NRDE2: variants seen among roughly 807,000 people sequenced by gnomAD.
NRDE2 encodes the protein NRDE-2, necessary for RNA interference, domain containing.
A neutral mutation model predicts 124.2 loss-of-function variants in NRDE2; 76 were observed. The observed-to-expected ratio is 0.61, with a 90% confidence interval of 0.51 to 0.74. The LOEUF (loss-of-function observed/expected upper bound fraction) is 0.74. Ranked by LOEUF, NRDE2 falls within the 30% of genes least tolerant of loss-of-function variation. The pLI is 0.00. For synonymous variants in NRDE2, 489 were observed against 528.1 expected (o/e 0.93, Z 1.01); for missense variants, 1,314 against 1,417.3 (o/e 0.93, Z 1.17).
chr14:90,289,377 A>T (rs1434412106), intron 10 of NRDE2, among the ~76,000 whole-genome samples: 1 of 152,218 alleles, frequency 6.6e-6, no homozygotes, highest in Non-Finnish European at 1.5e-5. Flanking sequence ...CTATAAACAA[A>T]GCTGATACCT....
chr14:90,306,576 T>C (rs1361249178), intron 4 of NRDE2, among the ~76,000 whole-genome samples: 35 of 152,198 alleles, frequency 2.3e-4, no homozygotes, highest in Non-Finnish European at 4.6e-4. Flanking sequence ...TTTGGGAGGC[T>C]GAGGCGGGTG....
intron 12 of NRDE2, among the ~76,000 whole-genome samples, chr14:90,284,779 A>G (rs1262106112): frequency 6.6e-6 from 1 of 152,224 alleles, no homozygotes; most frequent in African/African-American, 2.4e-5. Context: ...TTTCTAAAAA[A>G]AAGTGCAACT....
chr14:90,309,360 C>T (rs1428968228), intron 4 of NRDE2, among the ~76,000 whole-genome samples: 1 of 150,014 alleles, frequency 6.7e-6, no homozygotes, highest in African/African-American at 2.5e-5. Flanking sequence ...GTAGTCCCAG[C>T]TATTTAGGAG....
intron 12 of NRDE2, among the ~76,000 whole-genome samples, chr14:90,282,422 G>A (rs757118441): frequency 6.6e-6 from 1 of 151,612 alleles, no homozygotes; most frequent in Non-Finnish European, 1.5e-5. Flanking sequence ...GCTGCAGTGA[G>A]TCGTGATAGT....
intron 1 of NRDE2, among the ~76,000 whole-genome samples, chr14:90,326,023 A>G (rs1270344911): frequency 1.3e-5 from 2 of 152,174 alleles, no homozygotes; most frequent in African/African-American, 4.8e-5. Flanking sequence ...GCTTCTATTT[A>G]TAACAGCCAA....
intron 7 of NRDE2, 112 bp from the exon 8 acceptor site, chr14:90,298,492 T>C (rs1884265858): frequency 1.8e-6 from 2 of 1,122,252 alleles, no homozygotes; most frequent in African/African-American, 3.1e-5. Flanking sequence ...TGAAATCATG[T>C]TTGCCATCAG....
intron 8 of NRDE2, among the ~76,000 whole-genome samples, chr14:90,294,399 T>C (rs1052741352): frequency 2.0e-5 from 3 of 151,898 alleles, no homozygotes; most frequent in African/African-American, 7.3e-5. Context: ...ACAGATACTG[T>C]ACACCCATGT....
intron 1 of NRDE2, among the ~76,000 whole-genome samples, chr14:90,326,367 G>A (rs1208492513): frequency 2.0e-5 from 3 of 151,896 alleles, no homozygotes; most frequent in Admixed American, 2.0e-4. Flanking sequence ...GGTGGCGGGC[G>A]CCTGTAGTCC....
chr14:90,282,754 G>A (rs113789716), intron 12 of NRDE2, among the ~76,000 whole-genome samples: 2,719 of 151,812 alleles, frequency 0.018, 81 homozygotes, highest in African/African-American at 0.062. Flanking sequence ...CGCAACCTCC[G>A]CCTCCCGGGT....
chr14:90,278,960 G>A, intron 13 of NRDE2, 102 bp downstream of exon 13: 1 of 814,130 alleles, frequency 1.2e-6, no homozygotes, highest in East Asian at 2.4e-5. Flanking sequence ...CATGAGCCGA[G>A]CATCCCCGGT....
chr14:90,317,250 T>C (rs1385239084), intron 2 of NRDE2, among the ~76,000 whole-genome samples: 3 of 151,958 alleles, frequency 2.0e-5, no homozygotes, highest in African/African-American at 2.4e-5. Flanking sequence ...CTCATCTTTA[T>C]TTTAAAAATA....
chr14:90,298,161 GCTA>G, intron 8 of NRDE2, 96 bp downstream of exon 8: 1 of 1,260,040 alleles, frequency 7.9e-7, no homozygotes, highest in Non-Finnish European at 1.1e-6. Context: ...ATATTCTGAA[GCTA>G]CTGATAAATA....
At chr14:90,330,639 CG>C (rs773631876) in intron 1 of NRDE2, among the ~76,000 whole-genome samples, 7 of 151,934 alleles carry the variant, frequency 4.6e-5, no homozygotes, top group Non-Finnish European at 5.9e-5. Flanking sequence ...AGTGAGACCT[CG>C]TCTCTACTAA....
At chr14:90,324,169 G>C (rs2139715144) in intron 1 of NRDE2, among the ~76,000 whole-genome samples, 1 of 152,038 alleles carries the variant, frequency 6.6e-6, no homozygotes, top group South Asian at 2.1e-4. Flanking sequence ...TTGGGAAATA[G>C]ACAGTGAGAA....
At position 90,288,542 on chromosome 14, in the gene NRDE2, C is replaced by T. The variant is rs143522507; in HGVS notation, c.2833G>A (p.Glu945Lys). The change falls in exon 11 of 14, where the codon GAG (glutamate) becomes AAG (lysine). Residue 945 changes from glutamate to lysine, a missense_variant. Physicochemically the swap from Glu to Lys is moderately conservative, Grantham distance 56. Coordinates refer to ENST00000354366, the MANE Select transcript of NRDE2 (RefSeq NM_017970.4). ...NSSVFPEGSG[E>K]GDSASSQSWT... Reference sequence around the variant, plus strand: ...CTCTGGGAGCTGGCACTGTCCCCCTCGCCAGAGCCTTCTGGGAAAACAGAA... The same window carrying T: ...CTCTGGGAGCTGGCACTGTCCCCCTTGCCAGAGCCTTCTGGGAAAACAGAA... 38 of 1,614,136 alleles carry T rather than the reference C, an allele frequency of 2.4e-5. No individual in the cohort carries two copies. Among genetic ancestry groups the T allele is most frequent in the Admixed American group, 3.3e-5 (2 of 60,020 alleles).
Position 90,270,403 on chromosome 14 carries a change from G to A in NRDE2, c.*7933C>T, listed in dbSNP as rs1891630547. 1 of 1,577,688 alleles carries A rather than the reference G, an allele frequency of 6.3e-7. No homozygotes were observed. Among genetic ancestry groups the A allele is most frequent in the South Asian group, 1.1e-5 (1 of 87,814 alleles). On this transcript the variant is annotated 3_prime_UTR_variant, in exon 14 of 14. Transcript: ENST00000354366. ...TTTCTGGGAATGTGGCCGTCAATCA[G>A]GAAAGAGTCTATATGTGCTCTTGGG...
intron 11 of NRDE2, among the ~76,000 whole-genome samples, chr14:90,287,415 GGA>G (rs1207597939): frequency 2.6e-5 from 4 of 151,824 alleles, no homozygotes; most frequent in African/African-American, 7.3e-5. Context: ...CTCAGGAGAT[GGA>G]GACCAGCCTG....
intron 4 of NRDE2, among the ~76,000 whole-genome samples, chr14:90,307,349 T>G (rs1884643537): frequency 6.6e-6 from 1 of 152,226 alleles, no homozygotes; most frequent in East Asian, 1.9e-4. Flanking sequence ...CATGAGATCT[T>G]AATAATTATA....
intron 1 of NRDE2, 102 bp from the exon 2 acceptor site, chr14:90,318,215 A>T: frequency 1.2e-6 from 1 of 855,888 alleles, no homozygotes. Context: ...TTCACAGCCA[A>T]TGCCAGCCAG....
Sources: allele counts gnomAD v4.1 joint callset (sites outside exome capture counted in the v4.1 genomes callset), GRCh38; gene constraint gnomAD v4.1.1; transcripts MANE v1.5; gene names NCBI Gene and HGNC (gene_info 2026-07-23, HGNC 2026-07-21).